Variants in RPSA2 observed in about 807,000 individuals in gnomAD.
The protein encoded by RPSA2 is ribosomal protein SA 2.
the RPSA2 span, chr19:23,827,717 C>T: frequency 1.1e-4 from 168 of 1,580,968 alleles, no homozygotes; most frequent in Middle Eastern, 3.4e-4. Flanking sequence ...TCTGCGCATG[C>T]GTGGCACCAT....
the RPSA2 span, among the ~76,000 whole-genome samples, chr19:23,786,431 A>G: frequency 6.6e-6 from 1 of 152,094 alleles, no homozygotes; most frequent in Non-Finnish European, 1.5e-5. Flanking sequence ...CACCTCGGTG[A>G]TTTGACTCTT....
the RPSA2 span, chr19:23,843,232 A>T: frequency 3.7e-6 from 1 of 266,730 alleles, no homozygotes. Context: ...AAATAAAAGA[A>T]CCCTGGTATG....
the RPSA2 span, among the ~76,000 whole-genome samples, chr19:23,780,183 T>G: frequency 6.6e-6 from 1 of 152,136 alleles, no homozygotes; most frequent in African/African-American, 2.4e-5. Context: ...TCTCGTATAT[T>G]GTATAAAGCA....
chr19:23,838,341 A>C, the RPSA2 span, among the ~76,000 whole-genome samples: 1 of 152,116 alleles, frequency 6.6e-6, no homozygotes, highest in Non-Finnish European at 1.5e-5. Context: ...GTAAGCTAAT[A>C]TTTTGTTAAG....
chr19:23,761,134 C>A, the RPSA2 span, among the ~76,000 whole-genome samples: 1 of 151,020 alleles, frequency 6.6e-6, no homozygotes, highest in Non-Finnish European at 1.5e-5. Context: ...GTCATCCAGG[C>A]TGAAGTGTAG....
the RPSA2 span, among the ~76,000 whole-genome samples, chr19:23,863,760 A>C: frequency 6.6e-6 from 1 of 152,210 alleles, no homozygotes; most frequent in Admixed American, 6.5e-5. Flanking sequence ...TTTACTGTAA[A>C]GATAATAATG....
chr19:23,769,865 A>T, the RPSA2 span, among the ~76,000 whole-genome samples: 3 of 151,932 alleles, frequency 2.0e-5, no homozygotes, highest in African/African-American at 7.3e-5. Flanking sequence ...AGGTAATGCA[A>T]CTCTCCTGCA....
At chr19:23,866,687 C>T in the RPSA2 span, among the ~76,000 whole-genome samples, 2 of 152,106 alleles carry the variant, frequency 1.3e-5, no homozygotes, top group African/African-American at 4.8e-5. Context: ...CCAGTTCAGA[C>T]CACAACCCCA....
the RPSA2 span, chr19:23,832,845 C>T: frequency 6.3e-7 from 1 of 1,581,128 alleles, no homozygotes; most frequent in South Asian, 1.1e-5. Flanking sequence ...AGTCCTCAAC[C>T]CTTACTACAC....
At chr19:23,830,629 T>A in the RPSA2 span, among the ~76,000 whole-genome samples, 36 of 152,126 alleles carry the variant, frequency 2.4e-4, no homozygotes, top group Non-Finnish European at 3.5e-4. Context: ...ACCTCCACAA[T>A]TTTTGTTTTT....
the RPSA2 span, among the ~76,000 whole-genome samples, chr19:23,789,742 C>T: frequency 6.6e-6 from 1 of 151,554 alleles, no homozygotes. Flanking sequence ...CAGAGTCTCG[C>T]TCTGTCACCC....
chr19:23,834,998 A>G, the RPSA2 span, among the ~76,000 whole-genome samples: 1 of 152,148 alleles, frequency 6.6e-6, no homozygotes, highest in Non-Finnish European at 1.5e-5. Flanking sequence ...AATACAAAAT[A>G]TGATAATCAC....
the RPSA2 span, among the ~76,000 whole-genome samples, chr19:23,796,745 T>C: frequency 6.6e-6 from 1 of 152,224 alleles, no homozygotes; most frequent in South Asian, 2.1e-4. Flanking sequence ...ACAGAGGTAT[T>C]AATAGTAGAC....
chr19:23,759,988 G>C, the RPSA2 span, among the ~76,000 whole-genome samples: 7 of 152,114 alleles, frequency 4.6e-5, no homozygotes, highest in Admixed American at 4.6e-4. Flanking sequence ...TACAGAGGAC[G>C]ACAGTTCCCA....
chr19:23,781,225 G>A, the RPSA2 span, among the ~76,000 whole-genome samples: 6 of 151,816 alleles, frequency 4.0e-5, no homozygotes, highest in African/African-American at 9.7e-5. Context: ...TGCCCACCTC[G>A]GCCTCCCAAA....
chr19:23,774,980 G>A, the RPSA2 span, among the ~76,000 whole-genome samples: 1 of 152,134 alleles, frequency 6.6e-6, no homozygotes, highest in Non-Finnish European at 1.5e-5. Flanking sequence ...GATCATAGGT[G>A]TGATGTTTAC....
At chr19:23,845,285 T>TC in the RPSA2 span, among the ~76,000 whole-genome samples, 5 of 149,692 alleles carry the variant, frequency 3.3e-5, no homozygotes, top group Non-Finnish European at 7.4e-5. Flanking sequence ...GTTTTTTTTT[T>TC]CTTCTTCTAA....
the RPSA2 span, among the ~76,000 whole-genome samples, chr19:23,821,044 T>C: frequency 6.6e-6 from 1 of 152,166 alleles, no homozygotes; most frequent in Non-Finnish European, 1.5e-5. Context: ...GGGAGCAAAA[T>C]AGCTGGGTTT....
At chr19:23,782,266 T>C in the RPSA2 span, 1 of 152,212 alleles carries the variant, frequency 6.6e-6, no homozygotes, top group South Asian at 2.1e-4. Context: ...CTAGCTGATG[T>C]GACATTTTTG....
Sources: allele counts gnomAD v4.1 joint callset (sites outside exome capture counted in the v4.1 genomes callset), GRCh38; gene constraint gnomAD v4.1.1; transcripts MANE v1.5; gene names NCBI Gene and HGNC (gene_info 2026-07-23, HGNC 2026-07-21).